The following RBFOX1 variants were observed in gnomAD, a reference collection of about 807,000 sequenced individuals.
RBFOX1 encodes RNA binding protein fox-1 homolog 1.
RBFOX1 carries 8 observed loss-of-function variants against 57.7 expected under a neutral mutation model. The ratio of observed to expected loss-of-function variants is 0.14; its 90% CI spans 0.08 to 0.25. RBFOX1 has a LOEUF of 0.25. RBFOX1 is among the 10% of genes least tolerant of loss of function. The pLI is 1.00. For missense variants in RBFOX1, 611 were observed against 548.5 expected (o/e 1.11, Z -1.14); for synonymous variants, 326 against 222.4 (o/e 1.47, Z -4.15).
At chr16:5,973,890 G>T (rs564241800) in intron 4 of RBFOX1, among the ~76,000 whole-genome samples, 3 of 152,096 alleles carry the variant, frequency 2.0e-5, no homozygotes, top group South Asian at 2.1e-4. Context: ...ACTTCACTTC[G>T]TAGGGCTCAG....
At chr16:6,183,000 C>T (rs2097076398) in intron 1 of RBFOX1, among the ~76,000 whole-genome samples, 1 of 152,118 alleles carries the variant, frequency 6.6e-6, no homozygotes, top group Admixed American at 6.5e-5. Flanking sequence ...AGATCATATA[C>T]ATTAATTCAC....
chr16:5,711,405 C>G (rs1052253107), intron 3 of RBFOX1, among the ~76,000 whole-genome samples: 2 of 152,202 alleles, frequency 1.3e-5, no homozygotes, highest in African/African-American at 2.4e-5. Context: ...ATGTCCTTAA[C>G]CATTCAGGAT....
intron 5 of RBFOX1, among the ~76,000 whole-genome samples, chr16:7,556,858 GTTA>G (rs1341418849): frequency 6.6e-6 from 1 of 152,148 alleles, no homozygotes; most frequent in Admixed American, 6.5e-5. Flanking sequence ...TATAAAGGTT[GTTA>G]TTGTTGTTTT....
intron 4 of RBFOX1, among the ~76,000 whole-genome samples, chr16:5,967,871 C>CTGTTT (rs1054809543): frequency 6.6e-6 from 1 of 152,082 alleles, no homozygotes; most frequent in African/African-American, 2.4e-5. Flanking sequence ...TGGGGACTGG[C>CTGTTT]TGTTTTGTTT....
At chr16:5,524,338 G>T (rs1473640454) in intron 2 of RBFOX1, among the ~76,000 whole-genome samples, 4 of 152,232 alleles carry the variant, frequency 2.6e-5, no homozygotes, top group Admixed American at 2.0e-4. Flanking sequence ...TATTCTTTTG[G>T]GTTAAGCATT....
chr16:6,732,766 A>C (rs2068997445), intron 3 of RBFOX1, among the ~76,000 whole-genome samples: 1 of 152,202 alleles, frequency 6.6e-6, no homozygotes, highest in South Asian at 2.1e-4. Context: ...GCCTCTGTAC[A>C]TGCTGCACAC....
intron 4 of RBFOX1, among the ~76,000 whole-genome samples, chr16:7,443,408 T>C (rs1011738735): frequency 2.0e-5 from 3 of 151,760 alleles, no homozygotes; most frequent in Non-Finnish European, 1.5e-5. Context: ...TTTAATAAGC[T>C]CTGGCTTCAA....
At chr16:6,031,042 T>C (rs1348036314) in intron 1 of RBFOX1, among the ~76,000 whole-genome samples, 1 of 152,188 alleles carries the variant, frequency 6.6e-6, no homozygotes, top group East Asian at 1.9e-4. Context: ...TTACCCGTTA[T>C]CATAAGTATT....
In RBFOX1 at chr16:6,957,109, T is replaced by A. The variant is rs1001639771; in HGVS notation, c.-15-94948T>A. Among the ~76,000 whole-genome samples the A allele has an allele frequency of 6.8e-5, 9 of 132,932 alleles. No individual in the cohort carries two copies. The East Asian group carries it at 1.8e-3, about 27-fold the overall frequency. The allele number at this position is 132,932 out of a possible 152,430, so 87.2% of individuals were successfully genotyped here. On this transcript the variant is annotated intron_variant, in intron 3 of 15. Coordinates refer to ENST00000550418, the MANE Select transcript of RBFOX1 (RefSeq NM_018723.4). ...TTTGGTTATTTATTTTATTTTTTTA[T>A]TTTTATTTTTATTTATTTATTTATT...
intron 2 of RBFOX1, among the ~76,000 whole-genome samples, chr16:6,386,966 G>C (rs1419318802): frequency 1.3e-5 from 2 of 152,172 alleles, no homozygotes; most frequent in African/African-American, 4.8e-5. Flanking sequence ...TGTTGGGGTA[G>C]TTATTGATTC....
chr16:6,737,635 T>C (rs1416431837), intron 3 of RBFOX1, among the ~76,000 whole-genome samples: 1 of 152,148 alleles, frequency 6.6e-6, no homozygotes, highest in South Asian at 2.1e-4. Flanking sequence ...TAAATACAGT[T>C]GGGAAGAGTG....
At chr16:6,280,663 A>C (rs2076279001) in intron 1 of RBFOX1, among the ~76,000 whole-genome samples, 1 of 152,102 alleles carries the variant, frequency 6.6e-6, no homozygotes, top group Non-Finnish European at 1.5e-5. Flanking sequence ...AGAAGTAATT[A>C]AGATAGGGAA....
chr16:6,283,218 T>G (rs2076573707), intron 1 of RBFOX1, among the ~76,000 whole-genome samples: 1 of 152,068 alleles, frequency 6.6e-6, no homozygotes, highest in Admixed American at 6.6e-5. Context: ...TCCCAGCTAC[T>G]TGGGAGGCTG....
intron 4 of RBFOX1, among the ~76,000 whole-genome samples, chr16:7,248,463 A>G (rs1309147791): frequency 6.6e-6 from 1 of 152,196 alleles, no homozygotes; most frequent in African/African-American, 2.4e-5. Flanking sequence ...TAGGATCTGA[A>G]TGAACAGAGA....
chr16:5,767,336 C>G (rs1597166226), intron 3 of RBFOX1, among the ~76,000 whole-genome samples: 1 of 152,210 alleles, frequency 6.6e-6, no homozygotes, highest in East Asian at 1.9e-4. Flanking sequence ...CCATCTAGGT[C>G]AAGATGGGAT....
chr16:6,016,236 G>T (rs143673867), upstream of RBFOX1, among the ~76,000 whole-genome samples: 1 of 152,174 alleles, frequency 6.6e-6, no homozygotes, highest in African/African-American at 2.4e-5. Flanking sequence ...AGAGGAGTTC[G>T]CAAGAACACC....
intron 3 of RBFOX1, among the ~76,000 whole-genome samples, chr16:6,995,055 G>A (rs1171547766): frequency 6.6e-6 from 1 of 151,466 alleles, no homozygotes; most frequent in Non-Finnish European, 1.5e-5. Context: ...GCTAATTATT[G>A]TGACTAAAAC....
intron 3 of RBFOX1, among the ~76,000 whole-genome samples, chr16:5,763,672 A>G (rs955692819): frequency 6.6e-6 from 1 of 152,196 alleles, no homozygotes; most frequent in Admixed American, 6.5e-5. Flanking sequence ...ATATTTTGAA[A>G]ACTTGGATTT....
chr16:6,423,753 C>A (rs538779277), intron 2 of RBFOX1, among the ~76,000 whole-genome samples: 282 of 152,252 alleles, frequency 1.9e-3, no homozygotes, highest in African/African-American at 6.5e-3. Context: ...TCCCAGCCGC[C>A]AGATGAGAGT....
Sources: allele counts gnomAD v4.1 joint callset (sites outside exome capture counted in the v4.1 genomes callset), GRCh38; gene constraint gnomAD v4.1.1; transcripts MANE v1.5; gene names NCBI Gene and HGNC (gene_info 2026-07-23, HGNC 2026-07-21).